LONRF2: variants seen among roughly 807,000 people sequenced by gnomAD.
LONRF2 encodes the protein LON peptidase N-terminal domain and ring finger 2, also known as LON peptidase N-terminal domain and RING finger protein 2.
LONRF2 carries 35 observed loss-of-function variants against 66.6 expected under a neutral mutation model. That is an observed-to-expected ratio of 0.53 (90% confidence interval 0.40 to 0.70). LONRF2 has a LOEUF of 0.70. LONRF2 is among the 30% of genes least tolerant of loss of function. The pLI is 0.00. For synonymous variants in LONRF2, 417 were observed against 418.1 expected (o/e 1.00, Z 0.03); for missense variants, 902 against 1,002.1 (o/e 0.90, Z 1.35).
At chr2:100,288,399 C>T (rs1428743098) in intron 10 of LONRF2, among the ~76,000 whole-genome samples, 1 of 152,224 alleles carries the variant, frequency 6.6e-6, no homozygotes, top group Non-Finnish European at 1.5e-5. Flanking sequence ...CTCACTTCCA[C>T]AATTCCAAAT....
At position 100,295,416 on chromosome 2, in the gene LONRF2, C is replaced by A. The variant is rs1222259282; in HGVS notation, c.1598+16G>T. 6 of 1,610,010 alleles carry A rather than the reference C, an allele frequency of 3.7e-6. No homozygotes were observed. Among genetic ancestry groups the A allele is most frequent in the Non-Finnish European group, 4.2e-6 (5 of 1,178,474 alleles). The stretch of plus-strand genomic sequence containing the variant: ...ATCTGAACTTAAGACCAAGGACACA[C>A]AACATGAGCACTTACTTTGACAGTT... On this transcript the variant is annotated intron_variant, in intron 8 of 11. Transcript: ENST00000393437.
intron 1 of LONRF2, among the ~76,000 whole-genome samples, 170 bp downstream of exon 1, chr2:100,321,245 G>A (rs12617779): frequency 0.41 from 62,290 of 152,036 alleles, 14,375 homozygotes; most frequent in East Asian, 0.76. Context: ...CTGGCTGCAG[G>A]GTGTGGCCGC....
Position 100,300,735 on chromosome 2 carries a change from G to A in LONRF2, c.974C>T (p.Thr325Ile), listed in dbSNP as rs1420999139. The change falls in exon 4 of 12, where the codon ACA becomes ATA. Residue 325 changes from threonine (T) to isoleucine (I), a missense_variant. This residue lies in a region of LONRF2 where 585 missense variants were observed against 569.9 expected (regional missense o/e 1.03). Coordinates refer to ENST00000393437, the MANE Select transcript of LONRF2 (RefSeq NM_198461.4). Reference sequence around the variant, plus strand: ...CTTTAATCTGCTTTGGATGGAAGATGTTAAATTTTCATGCACATTTGCTGT... The same window carrying A: ...CTTTAATCTGCTTTGGATGGAAGATATTAAATTTTCATGCACATTTGCTGT... ...SATANVHENLTSSIQSRLKAQ... is the reference protein window; with the variant it reads ...SATANVHENLISSIQSRLKAQ... The A allele has an allele frequency of 6.2e-7, 1 of 1,613,174 alleles. No individual in the cohort carries two copies. Among genetic ancestry groups the A allele is most frequent in the African/African-American group, 1.3e-5 (1 of 74,908 alleles).
chr2:100,302,916 C>T lies in LONRF2; in HGVS notation c.921+5G>A, dbSNP rs1032509086. On this transcript the variant is annotated splice_donor_5th_base_variant and intron_variant, in intron 3 of 11. Coordinates refer to ENST00000393437, the MANE Select transcript of LONRF2 (RefSeq NM_198461.4). ...ATAGAGAAAGTCCTTTAACAGAACT[C>T]ATACCTTCTGTGCTTCTTTCTTCAC... 3.8e-6 allele frequency: 6 copies of T among 1,593,830 alleles called. No individual in the cohort carries two copies. The African/African-American group carries it at 4.0e-5, about 11-fold the overall frequency.
In LONRF2 at chr2:100,295,454, C is replaced by T; in HGVS notation, c.1576G>A (p.Glu526Lys). ...TACTTTGACAGTTCTGACATTTCTT[C>T]ATCATAAATTCTCTTCCTATCAGAC... Reference protein sequence around the residue: ...ELSDRKRIYDEEMSELSNLTR... With the variant: ...ELSDRKRIYDKEMSELSNLTR... The change falls in exon 8 of 12, where the codon GAA (glutamate) becomes AAA (lysine). Residue 526 changes from glutamate (E) to lysine (K), a missense_variant. Physicochemically the swap from Glu to Lys is moderately conservative, Grantham distance 56. Around this residue, in one of 2 missense-constraint regions of LONRF2, gnomAD observed 317 missense variants for 432.2 expected, o/e 0.73. Coordinates refer to ENST00000393437, the MANE Select transcript of LONRF2 (RefSeq NM_198461.4). 5 of 1,613,792 alleles carry T rather than the reference C, an allele frequency of 3.1e-6. No homozygotes were observed. The highest frequency in any genetic ancestry group is 4.2e-6 in the Non-Finnish European group (5 of 1,179,862).
rs751680186 is a variant in LONRF2, at chr2:100,295,533, A to C, written c.1497T>G (p.Phe499Leu). Residue 499 changes from phenylalanine (F) to leucine (L), a missense_variant, in exon 8 of 12, where the codon TTT becomes TTG. Around this residue, in one of 2 missense-constraint regions of LONRF2, gnomAD observed 317 missense variants for 432.2 expected, o/e 0.73. Transcript: ENST00000393437. ...ATTCTTCGGCCAGAACAGTTATGTT[A>C]AAGTTTCTGCTTGCCAATAACTGTA... ...KLSELLASRN[F>L]NITVLAEELI... 1 of 1,613,526 alleles carries C rather than the reference A, an allele frequency of 6.2e-7. No individual in the cohort carries two copies. The highest frequency in any genetic ancestry group is 1.3e-5 in the African/African-American group (1 of 75,022).
intron 1 of LONRF2, 38 bp from the exon 2 acceptor site, chr2:100,309,263 T>C: frequency 7.3e-7 from 1 of 1,364,056 alleles, no homozygotes; most frequent in South Asian, 1.3e-5. Flanking sequence ...TAAAAATGAC[T>C]GCATTTAAAA....
In LONRF2 at chr2:100,289,627, A is replaced by C. The variant is rs1016452154; in HGVS notation, c.1920+631T>G. ...ATTTTTTTATATTTTTAATAGAGCC[A>C]GGGTTTCACCGTATTAGCCAGGATG... On this transcript the variant is annotated intron_variant, in intron 10 of 11. Transcript: ENST00000393437. Among the ~76,000 whole-genome samples, 11 of 151,992 alleles carry C rather than the reference A, an allele frequency of 7.2e-5. No individual in the cohort carries two copies. In the South Asian group the frequency reaches 2.1e-3, roughly 29 times the overall value.
chr2:100,304,598 C>T (rs998043406), intron 2 of LONRF2, among the ~76,000 whole-genome samples: 3 of 151,040 alleles, frequency 2.0e-5, no homozygotes, highest in African/African-American at 7.3e-5. Flanking sequence ...AATATCTGGG[C>T]CCACTCAGAG....
Position 100,274,147 on chromosome 2 carries a change from C to G in LONRF2, c.*10151G>C, listed in dbSNP as rs1054330591. 6.6e-6 allele frequency: 1 copy of G among 152,202 alleles called. No homozygotes were observed. Among genetic ancestry groups the G allele is most frequent in the East Asian group, 1.9e-4 (1 of 5,194 alleles). The allele number at this position is 152,202 out of a possible 1,614,324, so 9.4% of individuals were successfully genotyped here. ...TCAAAGGTCACATGCGCCAACCAGCCGAGACTCATGACAGTAAACTTCCTC... is the reference window on the plus strand; with the variant it reads ...TCAAAGGTCACATGCGCCAACCAGCGGAGACTCATGACAGTAAACTTCCTC... On this transcript the variant is annotated 3_prime_UTR_variant, in exon 12 of 12. Transcript: ENST00000393437.
At chr2:100,307,603 C>T (rs12615466) in intron 2 of LONRF2, among the ~76,000 whole-genome samples, 4 of 151,864 alleles carry the variant, frequency 2.6e-5, no homozygotes, top group African/African-American at 7.3e-5. Flanking sequence ...GGAATTGGGG[C>T]GACGTCAGCC....
In LONRF2 at chr2:100,290,405, T is replaced by A. The variant is rs766032493; in HGVS notation, c.1773A>T (p.Gly591=). The change falls in exon 10 of 12, where the codon GGA becomes GGT. Residue 591 remains glycine, a synonymous_variant. Coordinates refer to ENST00000393437, the MANE Select transcript of LONRF2 (RefSeq NM_198461.4). ...SAEHAGLSEY[G]CMLEIKDVRT... ...TCACGTCCTTAATCTCCAGCATGCA[T>A]CCATACTCTGAAAGCCTGAAAAGAC... The A allele has an allele frequency of 4.3e-6, 7 of 1,610,804 alleles. No homozygotes were observed. In the Admixed American group the frequency reaches 1.2e-4, roughly 27 times the overall value.
chr2:100,317,476 T>C (rs1246683727), intron 1 of LONRF2, among the ~76,000 whole-genome samples: 1 of 152,234 alleles, frequency 6.6e-6, no homozygotes, highest in East Asian at 1.9e-4. Flanking sequence ...TTTATGTATG[T>C]TACAAATACC....
intron 8 of LONRF2, 38 bp downstream of exon 8, chr2:100,295,394 T>G: frequency 6.3e-7 from 1 of 1,583,090 alleles, no homozygotes; most frequent in African/African-American, 1.4e-5. Context: ...AAGTTCAATC[T>G]GAACTTAAGA....
chr2:100,283,567 T>C lies in LONRF2; in HGVS notation c.*731A>G, dbSNP rs1573107336. The C allele has an allele frequency of 1.1e-5, 1 of 94,168 alleles. No homozygotes were observed. Among genetic ancestry groups the C allele is most frequent in the Non-Finnish European group, 2.0e-5 (1 of 49,224 alleles). 5.8% of individuals were successfully genotyped at this position (94,168 alleles called of 1,614,324 possible). On this transcript the variant is annotated 3_prime_UTR_variant, in exon 12 of 12. Transcript: ENST00000393437. ...GCATATACAATTTTAACTCACTTTATTGTGTGTAAATATATATATATATAT... is the reference window on the plus strand; with the variant it reads ...GCATATACAATTTTAACTCACTTTACTGTGTGTAAATATATATATATATAT...
chr2:100,295,488 C>A lies in LONRF2; in HGVS notation c.1542G>T (p.Pro514=). 2 of 1,613,334 alleles carry A rather than the reference C, an allele frequency of 1.2e-6. No individual in the cohort carries two copies. Among genetic ancestry groups the A allele is most frequent in the Non-Finnish European group, 8.5e-7 (1 of 1,179,552 alleles). Residue 514 remains proline, a synonymous_variant, in exon 8 of 12, where the codon CCG becomes CCT. Coordinates refer to ENST00000393437, the MANE Select transcript of LONRF2 (RefSeq NM_198461.4). ...LAEELIFRYL[P]DELSDRKRIY... The stretch of plus-strand genomic sequence containing the variant: ...TTCTCTTCCTATCAGACAATTCATC[C>A]GGCAAATATCGAAATATTAATTCTT...
Position 100,322,412 on chromosome 2 carries a change from CCCAGGTCGCTGCGGTAA to C in LONRF2, c.-336_-320del. 1 of 228,398 alleles carries C rather than the reference CCCAGGTCGCTGCGGTAA, an allele frequency of 4.4e-6. No individual in the cohort carries two copies. The highest frequency in any genetic ancestry group is 9.1e-5 in the East Asian group (1 of 11,020). 14.1% of individuals were successfully genotyped at this position (228,398 alleles called of 1,614,324 possible). A position where few individuals can be genotyped will look rare whatever the true frequency, so the allele number is the denominator to read the frequency against. Reference sequence around the variant, plus strand: ...CTCTCAGTCCCGCCGGCTTAGGTAACCCAGGTCGCTGCGGTAACGCAGTGACCGCGCTCCAGGTCCGC... The same window carrying C: ...CTCTCAGTCCCGCCGGCTTAGGTAACCGCAGTGACCGCGCTCCAGGTCCGC... On this transcript the variant is annotated 5_prime_UTR_variant, in exon 1 of 12. Transcript: ENST00000393437.
intron 3 of LONRF2, among the ~76,000 whole-genome samples, chr2:100,302,197 G>C (rs761761812): frequency 4.6e-5 from 7 of 152,216 alleles, no homozygotes; most frequent in African/African-American, 7.2e-5. Flanking sequence ...GCCACTCTGT[G>C]AGAAAAGAAT....
intron 2 of LONRF2, among the ~76,000 whole-genome samples, chr2:100,306,046 A>C (rs1675283911): frequency 1.3e-5 from 2 of 152,020 alleles, no homozygotes; most frequent in South Asian, 4.2e-4. Flanking sequence ...GCACCACCAC[A>C]CCTGGCTAAT....
Sources: allele counts gnomAD v4.1 joint callset (sites outside exome capture counted in the v4.1 genomes callset), GRCh38; gene constraint gnomAD v4.1.1; regional missense constraint gnomAD v4.1.1; transcripts MANE v1.5; gene names NCBI Gene and HGNC (gene_info 2026-07-23, HGNC 2026-07-21).